DGKI: variants seen among roughly 807,000 people sequenced by gnomAD.
DGKI encodes diacylglycerol kinase iota.
A neutral mutation model predicts 147.5 loss-of-function variants in DGKI; 55 were observed. That is an observed-to-expected ratio of 0.37 (90% confidence interval 0.30 to 0.47). DGKI has a LOEUF of 0.47. Among genes scored for constraint, DGKI ranks in the 20% least tolerant of loss-of-function variants. The pLI is 1.00. For synonymous variants in DGKI, 469 were observed against 477.1 expected (o/e 0.98, Z 0.22); for missense variants, 1,007 against 1,323.8 (o/e 0.76, Z 3.71).
intron 1 of DGKI, chr7:137,774,612 G>C (rs1040468701): frequency 1.8e-4 from 27 of 152,174 alleles, no homozygotes; most frequent in African/African-American, 6.3e-4. Context: ...CCATCCAGGG[G>C]TGTTTTTCCT....
intron 5 of DGKI, among the ~76,000 whole-genome samples, chr7:137,650,900 T>C (rs375472124): frequency 6.6e-6 from 1 of 152,184 alleles, no homozygotes; most frequent in African/African-American, 2.4e-5. Context: ...AGTACAGCAG[T>C]GAAATACACA....
chr7:137,615,054 T>C (rs1820482882), intron 8 of DGKI, among the ~76,000 whole-genome samples: 1 of 152,090 alleles, frequency 6.6e-6, no homozygotes, highest in Non-Finnish European at 1.5e-5. Flanking sequence ...TCCGTACTGC[T>C]TCATATTCAC....
intron 3 of DGKI, among the ~76,000 whole-genome samples, chr7:137,675,327 G>A (rs201881127): frequency 1.1e-4 from 16 of 152,172 alleles, no homozygotes; most frequent in East Asian, 7.7e-4. Context: ...CTTATCATAC[G>A]GTATTTCTCA....
At chr7:137,692,425 C>T (rs1164916087) in intron 1 of DGKI, among the ~76,000 whole-genome samples, 1 of 152,144 alleles carries the variant, frequency 6.6e-6, no homozygotes, top group African/African-American at 2.4e-5. Context: ...ATGAGAAAAA[C>T]ACAGATCTTT....
At chr7:137,612,540 A>C (rs1355061173) in intron 8 of DGKI, among the ~76,000 whole-genome samples, 1 of 152,158 alleles carries the variant, frequency 6.6e-6, no homozygotes, top group Non-Finnish European at 1.5e-5. Flanking sequence ...ACCTCTAGGA[A>C]CAGATGGGTT....
chr7:137,691,798 G>GTTTTTTTTTT lies in DGKI; in HGVS notation c.402-1806_402-1797dup, dbSNP rs796902464. Among the ~76,000 whole-genome samples the GTTTTTTTTTT allele has an allele frequency of 6.1e-4, 58 of 95,816 alleles. 2 individuals are homozygous for GTTTTTTTTTT. The highest frequency in any genetic ancestry group is 0.014 in the Middle Eastern group (2 of 146). 62.9% of individuals were successfully genotyped at this position (95,816 alleles called of 152,430 possible). A position where few individuals can be genotyped will look rare whatever the true frequency, so the allele number is the denominator to read the frequency against. Reference sequence around the variant, plus strand: ...GCTCAGCAAGTGTCTAGACCTTTGGGTTTTTTTTTTTTTTTTTTTTTTTAA... The same window carrying GTTTTTTTTTT: ...GCTCAGCAAGTGTCTAGACCTTTGGGTTTTTTTTTTTTTTTTTTTTTTTTTTTTTTTTTAA... On this transcript the variant is annotated intron_variant, in intron 1 of 32. Transcript: ENST00000614521.
intron 23 of DGKI, among the ~76,000 whole-genome samples, chr7:137,484,165 A>G (rs1585159538): frequency 6.6e-6 from 1 of 152,150 alleles, no homozygotes; most frequent in East Asian, 1.9e-4. Flanking sequence ...CACAAATAAG[A>G]ACACAAAGGC....
At chr7:137,588,942 C>G (rs1474316184) in intron 12 of DGKI, among the ~76,000 whole-genome samples, 1 of 152,166 alleles carries the variant, frequency 6.6e-6, no homozygotes, top group Non-Finnish European at 1.5e-5. Context: ...CTTAGTATCA[C>G]ACAGTTTACA....
At chr7:137,511,893 AC>A (rs1331284532) in intron 21 of DGKI, among the ~76,000 whole-genome samples, 7 of 151,976 alleles carry the variant, frequency 4.6e-5, no homozygotes, top group African/African-American at 1.7e-4. Context: ...GTGTCCAATA[AC>A]CCTTGCCTCA....
intron 23 of DGKI, among the ~76,000 whole-genome samples, chr7:137,474,348 G>A (rs76835711): frequency 0.033 from 4,999 of 152,222 alleles, 117 homozygotes; most frequent in South Asian, 0.15. Context: ...ATGTTAAAAT[G>A]ATGTTCCAAC....
At chr7:137,612,078 C>T (rs1820382670) in intron 8 of DGKI, among the ~76,000 whole-genome samples, 1 of 152,134 alleles carries the variant, frequency 6.6e-6, no homozygotes, top group African/African-American at 2.4e-5. Context: ...GATCGTAGAA[C>T]TCACAGTATT....
intron 1 of DGKI, among the ~76,000 whole-genome samples, chr7:137,692,198 A>G (rs2116465839): frequency 6.6e-6 from 1 of 152,308 alleles, no homozygotes; most frequent in East Asian, 1.9e-4. Flanking sequence ...CATTTTTATT[A>G]GGATTTTCTC....
intron 23 of DGKI, among the ~76,000 whole-genome samples, chr7:137,484,683 T>C (rs528874015): frequency 6.6e-6 from 1 of 151,930 alleles, no homozygotes; most frequent in African/African-American, 2.4e-5. Flanking sequence ...ATGGGGAAGT[T>C]GGAAAGAAAC....
chr7:137,573,197 T>G (rs1278120766), intron 17 of DGKI, among the ~76,000 whole-genome samples: 1 of 152,108 alleles, frequency 6.6e-6, no homozygotes, highest in Non-Finnish European at 1.5e-5. Flanking sequence ...CTTAAAAGAA[T>G]GAAAAGAAAA....
At chr7:137,397,467 T>C in intron 30 of DGKI, 54 bp from the exon 31 acceptor site, 1 of 1,561,352 alleles carries the variant, frequency 6.4e-7, no homozygotes, top group Non-Finnish European at 8.8e-7. Flanking sequence ...AAACTAAACA[T>C]TAACAGAAAA....
chr7:137,696,592 T>A (rs1027959397), intron 1 of DGKI, among the ~76,000 whole-genome samples: 1 of 152,020 alleles, frequency 6.6e-6, no homozygotes, highest in African/African-American at 2.4e-5. Context: ...GGTACGGGCT[T>A]GGCGTGGGAT....
chr7:137,646,431 T>C (rs991327969), intron 5 of DGKI, among the ~76,000 whole-genome samples: 1 of 152,198 alleles, frequency 6.6e-6, no homozygotes, highest in Non-Finnish European at 1.5e-5. Context: ...TATCTTTGTC[T>C]CAGACTGTAG....
At chr7:137,553,810 G>A (rs1182404503) in intron 19 of DGKI, among the ~76,000 whole-genome samples, 1 of 152,170 alleles carries the variant, frequency 6.6e-6, no homozygotes, top group African/African-American at 2.4e-5. Context: ...GGAGAATGAT[G>A]TGAGAAGTTA....
chr7:137,780,971 C>T (rs1430441773), intron 1 of DGKI, among the ~76,000 whole-genome samples: 1 of 152,208 alleles, frequency 6.6e-6, no homozygotes, highest in Non-Finnish European at 1.5e-5. Context: ...GAGGGCTTCA[C>T]ATCTGTCCTC....
Sources: gnomAD v4.1 joint callset for allele counts (sites outside exome capture counted in the v4.1 genomes callset) on GRCh38, gnomAD v4.1.1 for gene constraint, MANE v1.5 for transcripts, NCBI Gene and HGNC (gene_info 2026-07-23, HGNC 2026-07-21) for gene names.